The following LRRIQ1 variants were observed in gnomAD, a reference collection of about 807,000 sequenced individuals.
LRRIQ1 encodes leucine rich repeats and IQ motif containing 1, also known as leucine-rich repeat- and IQ domain-containing protein 1.
Under a neutral mutation model 211.9 loss-of-function variants are expected in LRRIQ1, and 210 were observed. That is an observed-to-expected ratio of 0.99 (90% CI 0.89 to 1.11). The LOEUF (loss-of-function observed/expected upper bound fraction) is 1.11, where lower values mean the gene tolerates loss of function less well. Ranked by LOEUF, LRRIQ1 falls within the 50% of genes most tolerant of loss-of-function variation. The pLI is 0.00. For synonymous variants in LRRIQ1, 699 were observed against 650.1 expected (o/e 1.08, Z -1.14); for missense variants, 2,136 against 1,939.5 (o/e 1.10, Z -1.90).
At chr12:85,216,181 C>T (rs1894069949) in intron 24 of LRRIQ1, among the ~76,000 whole-genome samples, 2 of 152,102 alleles carry the variant, frequency 1.3e-5, no homozygotes, top group Non-Finnish European at 2.9e-5. Flanking sequence ...ACCCCCGCAC[C>T]CCCTGACAGG....
chr12:85,267,101 G>A (rs562206118), downstream of LRRIQ1, among the ~76,000 whole-genome samples: 14 of 151,966 alleles, frequency 9.2e-5, no homozygotes, highest in Non-Finnish European at 1.5e-4. Flanking sequence ...AAATAAATAC[G>A]TCTGAAAAGT....
intron 24 of LRRIQ1, among the ~76,000 whole-genome samples, chr12:85,162,122 A>G (rs1202493794): frequency 6.6e-6 from 1 of 152,090 alleles, no homozygotes; most frequent in African/African-American, 2.4e-5. Context: ...TGTTGGACCA[A>G]CAGATGATAG....
intron 19 of LRRIQ1, among the ~76,000 whole-genome samples, chr12:85,142,628 A>C (rs1889620930): frequency 6.6e-6 from 1 of 151,282 alleles, no homozygotes; most frequent in African/African-American, 2.4e-5. Context: ...CACCACCCCC[A>C]CTGACCACCT....
chr12:85,153,669 A>G lies in LRRIQ1; in HGVS notation c.4548A>G (p.Glu1516=). 1.9e-6 allele frequency: 3 copies of G among 1,580,864 alleles called. No homozygotes were observed. Among genetic ancestry groups the G allele is most frequent in the Non-Finnish European group, 2.6e-6 (3 of 1,165,710 alleles). The part of the protein sequence containing the change: ...SEHTQFNSRS[E]NKTSSWTPES... ...GGTTTTTTTCTATTGCCAGATCAGA[A>G]AATAAAACTTCTTCCTGGACACCTG... The change falls in exon 22 of 27, where the codon GAA becomes GAG. Residue 1516 remains glutamate, a synonymous_variant. Transcript: ENST00000393217.
At chr12:85,166,908 T>C (rs1482557823) in intron 24 of LRRIQ1, among the ~76,000 whole-genome samples, 2 of 152,224 alleles carry the variant, frequency 1.3e-5, no homozygotes, top group East Asian at 3.8e-4. Flanking sequence ...TTGAGCTCCA[T>C]GTATTTCTTT....
At chr12:85,191,754 T>C (rs1417667585) in intron 24 of LRRIQ1, among the ~76,000 whole-genome samples, 1 of 152,042 alleles carries the variant, frequency 6.6e-6, no homozygotes, top group Non-Finnish European at 1.5e-5. Flanking sequence ...ACCATTTTCA[T>C]TTTCACCAGC....
At chr12:85,147,789 C>T (rs1006976258) in intron 19 of LRRIQ1, among the ~76,000 whole-genome samples, 10 of 151,256 alleles carry the variant, frequency 6.6e-5, no homozygotes, top group African/African-American at 2.4e-4. Context: ...CAAGTGAAAC[C>T]TTTTGGGACC....
At chr12:85,196,218 G>T (rs922296396) in intron 24 of LRRIQ1, among the ~76,000 whole-genome samples, 9 of 152,186 alleles carry the variant, frequency 5.9e-5, no homozygotes, top group South Asian at 4.1e-4. Flanking sequence ...TCATGGGTAG[G>T]AAGAATCAAT....
chr12:85,149,712 A>C (rs754633163), intron 19 of LRRIQ1, among the ~76,000 whole-genome samples: 1 of 141,678 alleles, frequency 7.1e-6, no homozygotes, highest in Non-Finnish European at 1.5e-5. Context: ...AGTACATATA[A>C]ATTCGTTGTC....
intron 8 of LRRIQ1, among the ~76,000 whole-genome samples, chr12:85,063,599 G>T (rs1321636387): frequency 6.6e-6 from 1 of 150,748 alleles, no homozygotes; most frequent in Admixed American, 6.6e-5. Context: ...ATTGACTTTA[G>T]TCACCCTATT....
chr12:85,201,887 A>G (rs1893318201), intron 24 of LRRIQ1, among the ~76,000 whole-genome samples: 1 of 151,808 alleles, frequency 6.6e-6, no homozygotes. Flanking sequence ...AGGTTGTTAT[A>G]ATAATTTCAG....
chr12:85,069,749 G>C (rs1882866173), intron 10 of LRRIQ1, among the ~76,000 whole-genome samples: 1 of 152,112 alleles, frequency 6.6e-6, no homozygotes, highest in Non-Finnish European at 1.5e-5. Context: ...CTTTTGACAA[G>C]TGTCTTCATA....
At chr12:85,227,669 T>C (rs1180949543) in intron 24 of LRRIQ1, among the ~76,000 whole-genome samples, 2 of 152,138 alleles carry the variant, frequency 1.3e-5, no homozygotes, top group African/African-American at 4.8e-5. Flanking sequence ...TGGAAAAACC[T>C]ACTTTAAAGT....
intron 24 of LRRIQ1, among the ~76,000 whole-genome samples, chr12:85,193,094 A>C (rs1393387838): frequency 8.3e-6 from 1 of 120,340 alleles, no homozygotes; most frequent in African/African-American, 3.2e-5. Context: ...ATAATTATAT[A>C]TATTTATATA....
chr12:85,164,223 G>A (rs192265064), intron 24 of LRRIQ1, among the ~76,000 whole-genome samples: 307 of 152,138 alleles, frequency 2.0e-3, no homozygotes, highest in African/African-American at 7.2e-3. Context: ...GTTTAGTTTG[G>A]AGCTCTGACA....
At chr12:85,054,598 A>G (rs1880754861) in intron 7 of LRRIQ1, among the ~76,000 whole-genome samples, 1 of 151,966 alleles carries the variant, frequency 6.6e-6, no homozygotes, top group Non-Finnish European at 1.5e-5. Flanking sequence ...TACCTCCGAC[A>G]TATAATTTTT....
intron 24 of LRRIQ1, among the ~76,000 whole-genome samples, chr12:85,223,597 A>G (rs1894507824): frequency 6.6e-6 from 1 of 152,178 alleles, no homozygotes; most frequent in Non-Finnish European, 1.5e-5. Flanking sequence ...GGAAATACCT[A>G]TAAATTATGA....
At chr12:85,124,747 T>C (rs1031671783) in intron 17 of LRRIQ1, 52 of 426,836 alleles carry the variant, frequency 1.2e-4, no homozygotes, top group Non-Finnish European at 1.4e-4. Context: ...TCTAGTAGTA[T>C]TTAAATGAGT....
intron 19 of LRRIQ1, among the ~76,000 whole-genome samples, chr12:85,146,684 CT>C (rs1889912833): frequency 6.6e-6 from 1 of 151,768 alleles, no homozygotes; most frequent in Non-Finnish European, 1.5e-5. Context: ...ATAGTTATAA[CT>C]TCACCATTTT....
Sources: allele counts gnomAD v4.1 joint callset (sites outside exome capture counted in the v4.1 genomes callset), GRCh38; gene constraint gnomAD v4.1.1; transcripts MANE v1.5; gene names NCBI Gene and HGNC (gene_info 2026-07-23, HGNC 2026-07-21).